The following NUBP1 variants were observed in gnomAD, a reference collection of about 807,000 sequenced individuals.
The protein encoded by NUBP1 is NUBP iron-sulfur cluster assembly factor 1, cytosolic, also known as cytosolic Fe-S cluster assembly factor NUBP1.
In NUBP1, 46 loss-of-function variants were observed where a neutral mutation model predicts 41.8. The observed-to-expected ratio is 1.10, with a 90% confidence interval of 0.87 to 1.41. The LOEUF (loss-of-function observed/expected upper bound fraction) is 1.41, where lower values mean the gene tolerates loss of function less well. Among genes scored for constraint, NUBP1 ranks in the 40% most tolerant of loss-of-function variants. The pLI is 0.00. For synonymous variants in NUBP1, 189 were observed against 154.6 expected (o/e 1.22, Z -1.65); for missense variants, 494 against 414.0 (o/e 1.19, Z -1.68).
intron 7 of NUBP1, 78 bp from the exon 8 acceptor site, chr16:10,761,286 C>G: frequency 7.5e-7 from 1 of 1,324,510 alleles, no homozygotes; most frequent in Non-Finnish European, 1.1e-6. Flanking sequence ...CACTGCATTG[C>G]AGCCATCCCC....
intron 3 of NUBP1, 120 bp downstream of exon 3, chr16:10,747,396 G>C (rs558630419): frequency 2.3e-6 from 3 of 1,310,874 alleles, no homozygotes; most frequent in Non-Finnish European, 3.1e-6. Context: ...CACTTTGGGA[G>C]GCCAAGGCGG....
At chr16:10,747,816 GCTT>G (rs1900131966) in intron 3 of NUBP1, among the ~76,000 whole-genome samples, 7 of 152,190 alleles carry the variant, frequency 4.6e-5, no homozygotes, top group Admixed American at 4.6e-4. Context: ...TTACGTTCAC[GCTT>G]CTTTTTCCTC....
At position 10,765,506 on chromosome 16, in the gene NUBP1, T is replaced by C. The variant is rs1185930440; in HGVS notation, c.821-2443T>C. Among the ~76,000 whole-genome samples the C allele has an allele frequency of 2.0e-5, 3 of 151,820 alleles. No homozygotes were observed. The highest frequency in any genetic ancestry group is 2.1e-4 in the South Asian group (1 of 4,812). On this transcript the variant is annotated intron_variant, in intron 9 of 10. Transcript: ENST00000283027. This position sits in a 1 kb window ranked among gnomAD's most constrained non-coding sequence, Gnocchi z 4.0. Reference sequence around the variant, plus strand: ...CTGGGCGACAGAGCAAGAACCTGTCTCAAAAAAAAATTTAAAAATGGCATG... The same window carrying C: ...CTGGGCGACAGAGCAAGAACCTGTCCCAAAAAAAAATTTAAAAATGGCATG...
Position 10,756,748 on chromosome 16 carries a change from AT to A in NUBP1, c.420del (p.Asp140GlufsTer13). On this transcript the variant is annotated frameshift_variant, in exon 6 of 11. Coordinates refer to ENST00000283027, the MANE Select transcript of NUBP1 (RefSeq NM_002484.4). LOFTEE classifies it high-confidence loss of function. Reference sequence around the variant, plus strand: ...GGCTTCCTGCTCAGCAGTCCTGATGATGCTGTTATCTGGAGGGGACCCAAGA... The same window carrying A: ...GGCTTCCTGCTCAGCAGTCCTGATGAGCTGTTATCTGGAGGGGACCCAAGA... ...SVGFLLSSPD[D>X]AVIWRGPKKN... 1 of 1,590,594 alleles carries A rather than the reference AT, an allele frequency of 6.3e-7. No individual in the cohort carries two copies. The highest frequency in any genetic ancestry group is 8.5e-7 in the Non-Finnish European group (1 of 1,171,408).
At chr16:10,760,115 T>G (rs1900839128) in intron 7 of NUBP1, among the ~76,000 whole-genome samples, 2 of 152,240 alleles carry the variant, frequency 1.3e-5, no homozygotes, top group Non-Finnish European at 2.9e-5. Context: ...GTTGTCCACA[T>G]TGGGCAGTAT....
intron 7 of NUBP1, 42 bp downstream of exon 7, chr16:10,758,069 C>T (rs1173002322): frequency 6.3e-7 from 1 of 1,595,354 alleles, no homozygotes; most frequent in Non-Finnish European, 8.6e-7. Flanking sequence ...AACTGTGCTC[C>T]ACACTGTGAG....
At chr16:10,744,539 T>G (rs1899974551) in intron 2 of NUBP1, among the ~76,000 whole-genome samples, 1 of 152,064 alleles carries the variant, frequency 6.6e-6, no homozygotes, top group African/African-American at 2.4e-5. Flanking sequence ...GATCGCCTCG[T>G]AGGTTTGGTG....
intron 3 of NUBP1, among the ~76,000 whole-genome samples, chr16:10,751,655 T>G (rs1385338931): frequency 6.6e-6 from 1 of 152,196 alleles, no homozygotes; most frequent in Non-Finnish European, 1.5e-5. Context: ...TCAGACCTCC[T>G]GTATCAGAGG....
rs768254675 is a variant in NUBP1, at chr16:10,761,456, C to T, written c.699C>T (p.Phe233=). The T allele has an allele frequency of 8.1e-6, 13 of 1,614,026 alleles. No individual in the cohort carries two copies. The highest frequency in any genetic ancestry group is 1.7e-4 in the Middle Eastern group (1 of 6,060). The change falls in exon 8 of 11, where the codon TTC becomes TTT. Residue 233 remains phenylalanine, a synonymous_variant. Coordinates refer to ENST00000283027, the MANE Select transcript of NUBP1 (RefSeq NM_002484.4). ...GGGTGGTGGAGAACATGAGTGGCTT[C>T]ATCTGTCCTAAGTGCAAGGTGAGGG... ...IIGVVENMSG[F]ICPKCKKESQ... is the part of the protein sequence containing the mutation.
rs191806362 is a variant in NUBP1, at chr16:10,766,689, A to G, written c.821-1260A>G. The G allele has an allele frequency of 1.9e-3, 674 of 359,648 alleles. 2 individuals carry two copies. Among genetic ancestry groups the G allele is most frequent in the African/African-American group, 0.013 (628 of 47,902 alleles). 22.3% of individuals were successfully genotyped at this position (359,648 alleles called of 1,614,324 possible). On this transcript the variant is annotated intron_variant, in intron 9 of 10. Coordinates refer to ENST00000283027, the MANE Select transcript of NUBP1 (RefSeq NM_002484.4). This position sits in a 1 kb window ranked among gnomAD's most constrained non-coding sequence, Gnocchi z 4.8. ...AAACGCACAAAGAAAGGAAGGAAGG[A>G]AGGGATTTATTGAAAATGAAAGTCA...
intron 2 of NUBP1, among the ~76,000 whole-genome samples, chr16:10,745,427 C>T (rs1900014467): frequency 6.6e-6 from 1 of 151,930 alleles, no homozygotes; most frequent in East Asian, 1.9e-4. Context: ...TGCACTCCAG[C>T]CTGGGTGACA....
At chr16:10,751,572 A>T (rs1176670562) in intron 3 of NUBP1, among the ~76,000 whole-genome samples, 1 of 152,140 alleles carries the variant, frequency 6.6e-6, no homozygotes, top group Non-Finnish European at 1.5e-5. Flanking sequence ...GAGGTGCAGC[A>T]CTTTGGATCC....
chr16:10,769,349 C>A lies in NUBP1; in HGVS notation c.*244C>A. 2.3e-6 allele frequency: 1 copy of A among 440,454 alleles called. No individual in the cohort carries two copies. Among genetic ancestry groups the A allele is most frequent in the Non-Finnish European group, 4.0e-6 (1 of 249,082 alleles). The allele number at this position is 440,454 out of a possible 1,614,324, so 27.3% of individuals were successfully genotyped here. On this transcript the variant is annotated 3_prime_UTR_variant, in exon 11 of 11. Transcript: ENST00000283027. Reference sequence around the variant, plus strand: ...TTTTAAGAATAAAACCCCCTCAAATCTCTCCCCCGAGGCCTGTTTCACGTA... The same window carrying A: ...TTTTAAGAATAAAACCCCCTCAAATATCTCCCCCGAGGCCTGTTTCACGTA...
intron 2 of NUBP1, among the ~76,000 whole-genome samples, chr16:10,746,030 G>C (rs1180754482): frequency 6.6e-6 from 1 of 152,240 alleles, no homozygotes; most frequent in African/African-American, 2.4e-5. Flanking sequence ...GGAGCAACTT[G>C]TGAGGGCAGT....
chr16:10,745,266 C>T (rs1900008430), intron 2 of NUBP1, among the ~76,000 whole-genome samples: 2 of 151,512 alleles, frequency 1.3e-5, no homozygotes, highest in Admixed American at 6.6e-5. Context: ...GTCAGGAGTT[C>T]GAGACCAGCC....
In NUBP1 at chr16:10,752,602, G is replaced by C; in HGVS notation, c.259-8G>C. The C allele has an allele frequency of 6.2e-7, 1 of 1,612,818 alleles. No individual in the cohort carries two copies. Among genetic ancestry groups the C allele is most frequent in the Non-Finnish European group, 8.5e-7 (1 of 1,179,062 alleles). On this transcript the variant is annotated splice_polypyrimidine_tract_variant and splice_region_variant and intron_variant, in intron 3 of 10. Coordinates refer to ENST00000283027, the MANE Select transcript of NUBP1 (RefSeq NM_002484.4). ...TATATAACCGCTTTGGTCTCTTCTT[G>C]TCCCCAGATTGCTCTTCTAGACATC...
At chr16:10,745,274 G>C (rs1900008894) in intron 2 of NUBP1, among the ~76,000 whole-genome samples, 2 of 151,894 alleles carry the variant, frequency 1.3e-5, no homozygotes, top group South Asian at 4.2e-4. Flanking sequence ...TTCGAGACCA[G>C]CCTGGCCAAC....
In NUBP1 at chr16:10,759,197, T is replaced by C. The variant is rs1641769; in HGVS notation, c.606+1170T>C. Among the ~76,000 whole-genome samples, 37,842 of 152,180 alleles carry C rather than the reference T, an allele frequency of 0.25. 4,937 individuals are homozygous for C. The highest frequency in any genetic ancestry group is 0.35 in the South Asian group (1,677 of 4,824). On this transcript the variant is annotated intron_variant, in intron 7 of 10. Coordinates refer to ENST00000283027, the MANE Select transcript of NUBP1 (RefSeq NM_002484.4). This position sits in a 1 kb window ranked among gnomAD's most constrained non-coding sequence, Gnocchi z 4.7. ...GGCAGTAAAAAGGCCTGGCTCTCCC[T>C]GGTGGCCCCTGTGGCTCCCTGAGGA...
At position 10,749,232 on chromosome 16, in the gene NUBP1, C is replaced by T. The variant is rs561689511; in HGVS notation, c.258+1956C>T. Among the ~76,000 whole-genome samples, 10 of 151,416 alleles carry T rather than the reference C, an allele frequency of 6.6e-5. No individual in the cohort carries two copies. Among genetic ancestry groups the T allele is most frequent in the Non-Finnish European group, 1.3e-4 (9 of 67,978 alleles). On this transcript the variant is annotated intron_variant, in intron 3 of 10. Transcript: ENST00000283027. This position sits in a 1 kb window ranked among gnomAD's most constrained non-coding sequence, Gnocchi z 4.1. ...CATTTGAGGGTCAAATCTGTACTGG[C>T]CTAGTGGGCTGGCCAAGAAATCTGC...
Sources: allele counts gnomAD v4.1 joint callset (sites outside exome capture counted in the v4.1 genomes callset), GRCh38; gene constraint gnomAD v4.1.1; non-coding constraint Gnocchi (gnomAD v3.1); transcripts MANE v1.5; gene names NCBI Gene and HGNC (gene_info 2026-07-23, HGNC 2026-07-21).